Variants in PTPRQ observed in about 807,000 individuals in gnomAD.
PTPRQ encodes the protein phosphatidylinositol phosphatase PTPRQ.
In PTPRQ, 199 loss-of-function variants were observed where a neutral mutation model predicts 246.0. That is an observed-to-expected ratio of 0.81 (90% CI 0.72 to 0.91). PTPRQ has a LOEUF of 0.91. Ranked by LOEUF, PTPRQ falls within the 40% of genes least tolerant of loss-of-function variation. PTPRQ has a pLI of 0.00. For missense variants in PTPRQ, 2,624 were observed against 2,528.4 expected, an observed-to-expected ratio of 1.04 and a Z score of -0.81; for synonymous variants, 869 against 853.2, an observed-to-expected ratio of 1.02 and a Z score of -0.32.
intron 18 of PTPRQ, 21 bp from the exon 19 acceptor site, chr12:80,534,871 G>A (rs761869300): frequency 6.5e-7 from 1 of 1,541,496 alleles, no homozygotes; most frequent in Non-Finnish European, 8.7e-7. Flanking sequence ...ACAGTAATTT[G>A]TTCAATTATT....
chr12:80,559,155 C>T (rs1422239670), intron 25 of PTPRQ, among the ~76,000 whole-genome samples: 8 of 152,120 alleles, frequency 5.3e-5, no homozygotes, highest in Non-Finnish European at 1.2e-4. Context: ...AGCAATTCTC[C>T]TGCCCCAGCC....
chr12:80,564,142 G>A (rs1896912625), intron 25 of PTPRQ, among the ~76,000 whole-genome samples: 2 of 151,996 alleles, frequency 1.3e-5, no homozygotes, highest in African/African-American at 4.8e-5. Context: ...TGCACATTGT[G>A]CAGGTTAGTT....
At chr12:80,514,788 T>C (rs928334287) in intron 17 of PTPRQ, among the ~76,000 whole-genome samples, 6 of 146,750 alleles carry the variant, frequency 4.1e-5, no homozygotes, top group Non-Finnish European at 6.0e-5. Flanking sequence ...AATTGTTATA[T>C]ATATTTTTTC....
Position 80,605,142 on chromosome 12 carries a change from AT to A in PTPRQ, c.4695del (p.Thr1566LeufsTer7). The A allele has an allele frequency of 6.5e-7, 1 of 1,545,364 alleles. No homozygotes were observed. Among genetic ancestry groups the A allele is most frequent in the South Asian group, 1.2e-5 (1 of 83,450 alleles). On this transcript the variant is annotated frameshift_variant, in exon 27 of 45. Transcript: ENST00000644991. LOFTEE classifies it high-confidence loss of function. ...ISISWSEPAV[I>X]TGPTCYLIDV... ...CATAAGCTGGAGTGAACCTGCTGTC[AT>A]TACTGGACCAACATGTTATCTGATT... is the stretch of plus-strand genomic sequence containing the variant.
Position 80,664,961 on chromosome 12 carries a change from A to G in PTPRQ, c.6193-4046A>G, listed in dbSNP as rs565696572. ...GTAAGAGTCAGGGTTCTCTAGAGGG[A>G]CAGAACTAACAGGATAGATGTATAT... On this transcript the variant is annotated intron_variant, in intron 39 of 44. Transcript: ENST00000644991. Among the ~76,000 whole-genome samples, 5 of 152,044 alleles carry G rather than the reference A, an allele frequency of 3.3e-5. No individual in the cohort carries two copies. In the South Asian group the frequency reaches 1.0e-3, roughly 32 times the overall value.
chr12:80,489,690 C>A (rs567486362), intron 9 of PTPRQ, among the ~76,000 whole-genome samples: 15 of 151,798 alleles, frequency 9.9e-5, no homozygotes, highest in Non-Finnish European at 1.8e-4. Context: ...TTTTCTCCTT[C>A]GAAGTAAATT....
rs181650945 is a variant in PTPRQ at position 80,613,661 on chromosome 12, C to T, written c.4988C>T (p.Thr1663Met). Residue 1663 changes from threonine (T) to methionine (M), a missense_variant, in exon 29 of 45, where the codon ACG becomes ATG. By Grantham distance (81) the Thr-to-Met change is moderately conservative. Transcript: ENST00000644991. ...GATGAAGTTACAAAATTTCAATTAACGTTCCTTCCTCCTTCTCAACCTAAT... is the reference window on the plus strand; with the variant it reads ...GATGAAGTTACAAAATTTCAATTAATGTTCCTTCCTCCTTCTCAACCTAAT... ...IPDEVTKFQL[T>M]FLPPSQPNGN... 1.7e-5 allele frequency: 27 copies of T among 1,545,508 alleles called. No individual in the cohort carries two copies. The East Asian group carries it at 4.2e-4, about 24-fold the overall frequency.
intron 9 of PTPRQ, among the ~76,000 whole-genome samples, chr12:80,492,613 A>T (rs1217348561): frequency 1.3e-5 from 2 of 151,890 alleles, no homozygotes; most frequent in African/African-American, 4.8e-5. Context: ...TCTGTTCCTG[A>T]TGTTTTCACC....
In PTPRQ at chr12:80,594,961, G is replaced by A. The variant is rs183343147; in HGVS notation, c.4609+6509G>A. On this transcript the variant is annotated intron_variant, in intron 26 of 44. Coordinates refer to ENST00000644991, the MANE Select transcript of PTPRQ (RefSeq NM_001145026.2). Reference sequence around the variant, plus strand: ...ATCTTTGATCATTTTCTACATGCCTGCATGTTAAAACTATGCCCATTAGTA... The same window carrying A: ...ATCTTTGATCATTTTCTACATGCCTACATGTTAAAACTATGCCCATTAGTA... Among the ~76,000 whole-genome samples the A allele has an allele frequency of 8.9e-4, 135 of 152,154 alleles. 1 individual carries two copies. The highest frequency in any genetic ancestry group is 3.1e-3 in the African/African-American group (129 of 41,530).
At chr12:80,673,728 T>G (rs933388610) in intron 43 of PTPRQ, among the ~76,000 whole-genome samples, 4 of 152,182 alleles carry the variant, frequency 2.6e-5, no homozygotes, top group Non-Finnish European at 5.9e-5. Flanking sequence ...TCTCCATATT[T>G]ATCCCTATTG....
At chr12:80,620,429 T>C in intron 32 of PTPRQ, 53 bp downstream of exon 32, 1 of 1,539,944 alleles carries the variant, frequency 6.5e-7, no homozygotes, top group Non-Finnish European at 8.8e-7. Flanking sequence ...AGTTAGTATC[T>C]TTCATCCATC....
At chr12:80,467,972 C>A (rs925772447) in intron 6 of PTPRQ, among the ~76,000 whole-genome samples, 1 of 151,960 alleles carries the variant, frequency 6.6e-6, no homozygotes, top group African/African-American at 2.4e-5. Flanking sequence ...CTAACCTGCA[C>A]GTTGTGCACA....
chr12:80,478,055 G>C (rs555870840), intron 8 of PTPRQ, among the ~76,000 whole-genome samples: 2 of 152,334 alleles, frequency 1.3e-5, no homozygotes, highest in Middle Eastern at 3.4e-3. Flanking sequence ...GCTTGCCTCT[G>C]TAGGCTCCAC....
At chr12:80,622,171 T>C in intron 33 of PTPRQ, 37 bp downstream of exon 33, 1 of 1,327,764 alleles carries the variant, frequency 7.5e-7, no homozygotes, top group Non-Finnish European at 9.9e-7. Context: ...AATCTCAACA[T>C]ATTTATCAAA....
At chr12:80,530,334 G>C (rs1217012181) in intron 17 of PTPRQ, among the ~76,000 whole-genome samples, 1 of 152,084 alleles carries the variant, frequency 6.6e-6, no homozygotes, top group South Asian at 2.1e-4. Context: ...ATTATTTACT[G>C]CTTTATCTCT....
At chr12:80,562,962 A>G (rs1297461179) in intron 25 of PTPRQ, among the ~76,000 whole-genome samples, 1 of 152,196 alleles carries the variant, frequency 6.6e-6, no homozygotes, top group Non-Finnish European at 1.5e-5. Context: ...AGAATACTAC[A>G]AACAGCTCTC....
chr12:80,455,392 A>C (rs1480128089), intron 3 of PTPRQ, among the ~76,000 whole-genome samples: 1 of 152,188 alleles, frequency 6.6e-6, no homozygotes, highest in Non-Finnish European at 1.5e-5. Flanking sequence ...TTTAAAATAA[A>C]ACTTATAGTT....
Position 80,444,263 on chromosome 12 carries a change from A to C in PTPRQ, c.-83A>C, listed in dbSNP as rs1281284316. On this transcript the variant is annotated 5_prime_UTR_variant, in exon 1 of 45. Coordinates refer to ENST00000644991, the MANE Select transcript of PTPRQ (RefSeq NM_001145026.2). ...CATTAATTGTGTACTTGCCAGAAGG[A>C]TCTGTCTTTAAATCATTAATGCAGG... 1 of 724,440 alleles carries C rather than the reference A, an allele frequency of 1.4e-6. No individual in the cohort carries two copies. Among genetic ancestry groups the C allele is most frequent in the Non-Finnish European group, 2.4e-6 (1 of 414,160 alleles). 44.9% of individuals were successfully genotyped at this position (724,440 alleles called of 1,614,324 possible).
chr12:80,568,337 G>A (rs1036016057), intron 25 of PTPRQ, among the ~76,000 whole-genome samples: 5 of 152,006 alleles, frequency 3.3e-5, no homozygotes, highest in African/African-American at 1.2e-4. Flanking sequence ...CTATGTTTCA[G>A]TTAATTGTTA....
Sources: gnomAD v4.1 joint callset for allele counts (sites outside exome capture counted in the v4.1 genomes callset) on GRCh38, gnomAD v4.1.1 for gene constraint, MANE v1.5 for transcripts, NCBI Gene and HGNC (gene_info 2026-07-23, HGNC 2026-07-21) for gene names.